NMBR: variants seen among roughly 807,000 people sequenced by gnomAD.
NMBR encodes the protein neuromedin-B receptor.
In NMBR, 16 loss-of-function variants were observed where a neutral mutation model predicts 20.5. The observed-to-expected ratio is 0.78, with a 90% CI of 0.53 to 1.19. The LOEUF (loss-of-function observed/expected upper bound fraction) is 1.19, where lower values mean the gene tolerates loss of function less well. Ranked by LOEUF, NMBR falls within the 50% of genes most tolerant of loss-of-function variation. The pLI, the probability that NMBR is intolerant of heterozygous loss-of-function variation, is 0.00. For synonymous variants in NMBR, 212 were observed against 196.6 expected (o/e 1.08, Z -0.65); for missense variants, 582 against 499.1 (o/e 1.17, Z -1.58).
chr6:142,077,857 A>C (rs1242231763), intron 3 of NMBR, among the ~76,000 whole-genome samples: 1 of 152,218 alleles, frequency 6.6e-6, no homozygotes, highest in African/African-American at 2.4e-5. Context: ...CAAGAACACT[A>C]TTTCTCTTTG....
intron 1 of NMBR, among the ~76,000 whole-genome samples, chr6:142,131,110 T>C (rs1396600987): frequency 2.6e-5 from 4 of 152,130 alleles, no homozygotes; most frequent in Non-Finnish European, 5.9e-5. Context: ...ACTTTTCCCT[T>C]TGTTTCTCCA....
chr6:142,075,912 C>T lies in NMBR; in HGVS notation c.909G>A (p.Met303Ile), dbSNP rs1466390519. The T allele has an allele frequency of 1.2e-6, 2 of 1,614,036 alleles. No homozygotes were observed. The highest frequency in any genetic ancestry group is 2.7e-5 in the African/African-American group (2 of 75,020). ...GAACCCGGGCAACTAAGGTGACAAT[C>T]ATGTGGCCTAGAGATGGATCAATCT... ...YNEIDPSLGH[M>I]IVTLVARVLS... Residue 303 changes from methionine to isoleucine, a missense_variant, in exon 4 of 4, where the codon ATG becomes ATA. Met to Ile is a conservative substitution (Grantham distance 10, BLOSUM62 1). Transcript: ENST00000258042.
chr6:142,143,403 G>T (rs573712691), intron 1 of NMBR, among the ~76,000 whole-genome samples: 1 of 152,296 alleles, frequency 6.6e-6, no homozygotes, highest in African/African-American at 2.4e-5. Context: ...TCTTGCCTCA[G>T]TATCCCAAGT....
At chr6:142,140,053 C>G (rs138598677) in intron 1 of NMBR, among the ~76,000 whole-genome samples, 2 of 151,890 alleles carry the variant, frequency 1.3e-5, no homozygotes, top group Non-Finnish European at 2.9e-5. Context: ...TGAGCAAATT[C>G]GTAGTGCACT....
chr6:142,076,523 G>A (rs4896574), intron 3 of NMBR, among the ~76,000 whole-genome samples: 97,875 of 152,024 alleles, frequency 0.64, 33,365 homozygotes, highest in East Asian at 0.87. Context: ...AAACAAAATA[G>A]CAACTTGAAA....
At position 142,076,030 on chromosome 6, in the gene NMBR, A is replaced by C; in HGVS notation, c.791T>G (p.Leu264Arg). 1.3e-6 allele frequency: 2 copies of C among 1,586,996 alleles called. No individual in the cohort carries two copies. Among genetic ancestry groups the C allele is most frequent in the Non-Finnish European group, 1.7e-6 (2 of 1,168,904 alleles). The stretch of plus-strand genomic sequence containing the variant: ...CACAAAGACAAGCACAATTTTAGCC[A>C]GGCGTTTCCGTGTTTCCATCTGCAA... The part of the protein sequence containing the change: ...TKKQMETRKR[L>R]AKIVLVFVGC... Residue 264 changes from leucine to arginine, a missense_variant, in exon 4 of 4, where the codon CTG (leucine) becomes CGG (arginine). Leu to Arg is a moderately radical substitution (Grantham distance 102). Coordinates refer to ENST00000258042, the MANE Select transcript of NMBR (RefSeq NM_002511.4).
chr6:142,142,196 T>C (rs931774995), intron 1 of NMBR, among the ~76,000 whole-genome samples: 6 of 152,176 alleles, frequency 3.9e-5, no homozygotes, highest in Admixed American at 2.6e-4. Context: ...AAATTTTAAA[T>C]CCAAAGCTTT....
At chr6:142,109,046 C>T (rs1777712557) in intron 1 of NMBR, among the ~76,000 whole-genome samples, 1 of 152,218 alleles carries the variant, frequency 6.6e-6, no homozygotes, top group Admixed American at 6.5e-5. Context: ...CCCACCTCAG[C>T]TGATGCATGA....
At position 142,075,821 on chromosome 6, in the gene NMBR, G is replaced by T; in HGVS notation, c.1000C>A (p.His334Asn). ...CCACAGCAGAGTTGGCTGTTGAAAT[G>T]CCTCCTGAAGCTTTCACTGAGTAGG... ...LYLLSESFRR[H>N]FNSQLCCGRK... The change falls in exon 4 of 4, where the codon CAT becomes AAT. Residue 334 changes from histidine to asparagine, a missense_variant. Coordinates refer to ENST00000258042, the MANE Select transcript of NMBR (RefSeq NM_002511.4). The T allele has an allele frequency of 6.2e-7, 1 of 1,614,056 alleles. No individual in the cohort carries two copies. The highest frequency in any genetic ancestry group is 8.5e-7 in the Non-Finnish European group (1 of 1,179,964).
chr6:142,130,524 T>C (rs952963645), intron 1 of NMBR, among the ~76,000 whole-genome samples: 3 of 152,154 alleles, frequency 2.0e-5, no homozygotes, highest in East Asian at 1.9e-4. Flanking sequence ...TAGCTGTAAA[T>C]GTATGTGTAG....
At chr6:142,131,859 G>A (rs1778148836) in intron 1 of NMBR, among the ~76,000 whole-genome samples, 2 of 152,292 alleles carry the variant, frequency 1.3e-5, no homozygotes, top group South Asian at 4.1e-4. Flanking sequence ...ATTGTATACA[G>A]TTGACTAAAC....
chr6:142,119,925 TATATTACAA>T (rs1410493328), intron 1 of NMBR, among the ~76,000 whole-genome samples: 2 of 151,986 alleles, frequency 1.3e-5, no homozygotes, highest in Non-Finnish European at 2.9e-5. Context: ...TCATATGTAC[TATATTACAA>T]ATATTGCAAA....
At chr6:142,086,667 T>A (rs1562234103) in intron 2 of NMBR, among the ~76,000 whole-genome samples, 1 of 152,140 alleles carries the variant, frequency 6.6e-6, no homozygotes, top group Non-Finnish European at 1.5e-5. Flanking sequence ...ATTCACAGAA[T>A]ATATGATGCA....
At chr6:142,126,770 T>TC (rs1246004290) in intron 1 of NMBR, among the ~76,000 whole-genome samples, 4 of 148,800 alleles carry the variant, frequency 2.7e-5, no homozygotes, top group African/African-American at 9.9e-5. Flanking sequence ...TTTTTTTTTT[T>TC]TTTTTTTTTT....
At chr6:142,145,079 A>G (rs576666529) in intron 1 of NMBR, among the ~76,000 whole-genome samples, 1 of 152,056 alleles carries the variant, frequency 6.6e-6, no homozygotes, top group Non-Finnish European at 1.5e-5. Flanking sequence ...AAGAAAGAAA[A>G]GAAAAGAGCA....
intron 1 of NMBR, among the ~76,000 whole-genome samples, chr6:142,095,741 T>C (rs1222907944): frequency 6.6e-6 from 1 of 152,348 alleles, no homozygotes; most frequent in Admixed American, 6.5e-5. Flanking sequence ...CAGTTCCTCC[T>C]TGTACCTCTG....
intron 1 of NMBR, among the ~76,000 whole-genome samples, chr6:142,093,825 A>G (rs7761153): frequency 0.5 from 75,909 of 151,692 alleles, 19,500 homozygotes; most frequent in East Asian, 0.74. Flanking sequence ...TTGTTTCCTG[A>G]CTTTTTAATG....
intron 1 of NMBR, among the ~76,000 whole-genome samples, chr6:142,122,311 TTTGAGGCTAGCAGAGA>T (rs1777957766): frequency 6.6e-6 from 1 of 151,810 alleles, no homozygotes; most frequent in African/African-American, 2.4e-5. Flanking sequence ...AAAAGAAAAG[TTTGAGGCTAGCAGAGA>T]TTGGTTTATG....
chr6:142,096,628 C>A (rs1472919970), intron 1 of NMBR, among the ~76,000 whole-genome samples: 2 of 152,084 alleles, frequency 1.3e-5, no homozygotes, highest in African/African-American at 4.8e-5. Flanking sequence ...TGGTGTGGTG[C>A]TGAAAAGAAT....
Sources: gnomAD v4.1 joint callset for allele counts (sites outside exome capture counted in the v4.1 genomes callset) on GRCh38, gnomAD v4.1.1 for gene constraint, MANE v1.5 for transcripts, NCBI Gene and HGNC (gene_info 2026-07-23, HGNC 2026-07-21) for gene names.